ZNF875: variants seen among roughly 807,000 people sequenced by gnomAD.
ZNF875 encodes zinc finger protein 875, also known as HKR1, GLI-Kruppel zinc finger family member.
A neutral mutation model predicts 11.2 loss-of-function variants in ZNF875; 14 were observed. That is an observed-to-expected ratio of 1.26 (90% confidence interval 0.83 to 1.96). ZNF875 has a LOEUF of 1.96. Among genes scored for constraint, ZNF875 ranks in the 30% most tolerant of loss-of-function variants. The probability of loss-of-function intolerance (pLI) is 0.00; values close to 1 mark genes in which losing one functional copy is unlikely to be tolerated. For synonymous variants in ZNF875, 301 were observed against 281.1 expected (o/e 1.07, Z -0.71); for missense variants, 752 against 760.4 (o/e 0.99, Z 0.13).
At chr19:37,356,376 C>A (rs767281667) in intron 4 of ZNF875, among the ~76,000 whole-genome samples, 15 of 152,138 alleles carry the variant, frequency 9.9e-5, no homozygotes, top group Non-Finnish European at 2.1e-4. Flanking sequence ...TTTACATGAC[C>A]ACCAACAATA....
In ZNF875 at chr19:37,363,371, G is replaced by A. The variant is rs141902493; in HGVS notation, c.1519G>A (p.Val507Ile). 7,038 of 1,613,580 alleles carry A rather than the reference G, an allele frequency of 4.4e-3. 53 individuals are homozygous for A. The highest frequency in any genetic ancestry group is 4.7e-3 in the Non-Finnish European group (5,595 of 1,179,880). The change falls in exon 5 of 5, where the codon GTA (valine) becomes ATA (isoleucine). Residue 507 changes from valine (V) to isoleucine (I), a missense_variant. Val to Ile is a conservative substitution (Grantham distance 29, BLOSUM62 3). Coordinates refer to ENST00000392153, the MANE Select transcript of ZNF875 (RefSeq NM_001353803.2). ...QRTHSGEKPF[V>I]CAECGRGFND... Reference sequence around the variant, plus strand: ...GACACACTCAGGGGAGAAGCCATTTGTATGTGCTGAGTGTGGACGAGGCTT... The same window carrying A: ...GACACACTCAGGGGAGAAGCCATTTATATGTGCTGAGTGTGGACGAGGCTT...
intron 4 of ZNF875, among the ~76,000 whole-genome samples, chr19:37,361,482 C>T (rs1446559126): frequency 6.6e-6 from 1 of 151,966 alleles, no homozygotes; most frequent in Non-Finnish European, 1.5e-5. Flanking sequence ...TTCTTCCTTC[C>T]TTTCTCTTTC....
chr19:37,362,256 A>C lies in ZNF875; in HGVS notation c.404A>C (p.Tyr135Ser). Reference protein sequence around the residue: ...AGNPLHLGKHYPEDQKQQQDP... With the variant: ...AGNPLHLGKHSPEDQKQQQDP... ...AATCCTCTCCACCTGGGAAAACACT[A>C]TCCAGAAGATCAGAAACAACAGCAG... The change falls in exon 5 of 5, where the codon TAT becomes TCT. Residue 135 changes from tyrosine to serine, a missense_variant. Coordinates refer to ENST00000392153, the MANE Select transcript of ZNF875 (RefSeq NM_001353803.2). 6.2e-7 allele frequency: 1 copy of C among 1,614,226 alleles called. No homozygotes were observed. Among genetic ancestry groups the C allele is most frequent in the Non-Finnish European group, 8.5e-7 (1 of 1,180,046 alleles).
At position 37,344,543 on chromosome 19, in the gene ZNF875, G is replaced by C; in HGVS notation, c.34-2647G>C. 4.3e-6 allele frequency: 3 copies of C among 700,750 alleles called. No individual in the cohort carries two copies. The South Asian group carries it at 5.0e-5, about 12-fold the overall frequency. 43.4% of individuals were successfully genotyped at this position (700,750 alleles called of 1,614,324 possible). A position where few individuals can be genotyped will look rare whatever the true frequency, so the allele number is the denominator to read the frequency against. Reference sequence around the variant, plus strand: ...TTACAAATGACGAAGTCTTTTGCTAGAATCCTACGGTAAGGCTTCTTGTGG... The same window carrying C: ...TTACAAATGACGAAGTCTTTTGCTACAATCCTACGGTAAGGCTTCTTGTGG... On this transcript the variant is annotated intron_variant, in intron 2 of 4. Transcript: ENST00000392153.
chr19:37,361,937 A>T, intron 4 of ZNF875, 172 bp from the exon 5 acceptor site: 2 of 517,664 alleles, frequency 3.9e-6, no homozygotes. Flanking sequence ...AAAAAACAAA[A>T]GAAAGTGTAA....
At chr19:37,325,408 T>C (rs2032258887) in intron 4 of ZNF875, among the ~76,000 whole-genome samples, 1 of 152,216 alleles carries the variant, frequency 6.6e-6, no homozygotes. Flanking sequence ...ACATACGTCA[T>C]TTTAGATTTT....
At chr19:37,356,847 A>G (rs1274036264) in intron 4 of ZNF875, among the ~76,000 whole-genome samples, 6 of 152,050 alleles carry the variant, frequency 3.9e-5, no homozygotes, top group Admixed American at 2.6e-4. Flanking sequence ...ATATTTGTCC[A>G]TTTTTGTTTT....
rs767872971 is a variant in ZNF875, at chr19:37,362,850, CAG to C, written c.999_1000del (p.Gly334AlafsTer14). The stretch of plus-strand genomic sequence containing the variant: ...CTCTTTACACATCAGCGGACACACT[CAG>C]GGCTCAAGCCTTATGTGTGCAAGGA... On this transcript the variant is annotated frameshift_variant, in exon 5 of 5. Transcript: ENST00000392153. LOFTEE classifies it low-confidence loss of function (END_TRUNC). The C allele has an allele frequency of 6.2e-7, 1 of 1,614,020 alleles. No homozygotes were observed. Among genetic ancestry groups the C allele is most frequent in the Non-Finnish European group, 8.5e-7 (1 of 1,180,038 alleles).
intron 2 of ZNF875, among the ~76,000 whole-genome samples, chr19:37,342,883 A>G (rs1368231191): frequency 1.3e-5 from 2 of 152,098 alleles, no homozygotes; most frequent in Non-Finnish European, 2.9e-5. Flanking sequence ...CCCAGTCCCC[A>G]CTAGCAGTTT....
At chr19:37,349,569 G>C (rs1355300224) in intron 4 of ZNF875, among the ~76,000 whole-genome samples, 4 of 152,108 alleles carry the variant, frequency 2.6e-5, no homozygotes, top group African/African-American at 4.8e-5. Flanking sequence ...TTTTCTTCTT[G>C]TTGATTTGAA....
rs765202281 is a variant in ZNF875, at chr19:37,362,368, C to T, written c.516C>T (p.Gly172=). The part of the protein sequence containing the change: ...RLLFGRVSKN[G]TSKALSSPPE... ...TGTTTGGGAGAGTAAGCAAAAATGG[C>T]ACTTCAAAGGCACTTTCCAGCCCAC... Residue 172 remains glycine, a synonymous_variant, in exon 5 of 5, where the codon GGC becomes GGT. Transcript: ENST00000392153. 3 of 1,614,110 alleles carry T rather than the reference C, an allele frequency of 1.9e-6. No individual in the cohort carries two copies. The highest frequency in any genetic ancestry group is 1.7e-5 in the Admixed American group (1 of 60,024).
upstream of ZNF875, chr19:37,315,394 A>G (rs145337640): frequency 6.6e-6 from 1 of 152,318 alleles, no homozygotes; most frequent in African/African-American, 2.4e-5. Context: ...GTTTTTATAC[A>G]TATTTTCTGC....
chr19:37,313,768 GT>G (rs397815049), upstream of ZNF875, among the ~76,000 whole-genome samples: 2 of 149,426 alleles, frequency 1.3e-5, no homozygotes, highest in Non-Finnish European at 3.0e-5. Flanking sequence ...GTGTGTGTGT[GT>G]TGATTAATGG....
Position 37,362,668 on chromosome 19 carries a change from C to G in ZNF875, c.816C>G (p.Asn272Lys), listed in dbSNP as rs1421533186. The G allele has an allele frequency of 5.6e-6, 9 of 1,612,820 alleles. No homozygotes were observed. The highest frequency in any genetic ancestry group is 7.6e-6 in the Non-Finnish European group (9 of 1,179,418). ...SFGSMSVLIK[N>K]PRTHSGGKPY... ...GCAGTATGTCAGTCCTCATCAAAAACCCAAGGACACACTCTGGGGGAAAGC... is the reference window on the plus strand; with the variant it reads ...GCAGTATGTCAGTCCTCATCAAAAAGCCAAGGACACACTCTGGGGGAAAGC... The change falls in exon 5 of 5, where the codon AAC becomes AAG. Residue 272 changes from asparagine (N) to lysine (K), a missense_variant. By Grantham distance (94) the Asn-to-Lys change is moderately conservative (BLOSUM62 0). Transcript: ENST00000392153.
intron 4 of ZNF875, chr19:37,328,578 G>C (rs1308158605): frequency 1.3e-4 from 20 of 152,116 alleles, no homozygotes; most frequent in African/African-American, 3.9e-4. Flanking sequence ...TTACCTTCCA[G>C]CATAGGACAA....
chr19:37,324,172 C>T (rs1264075353), intron 3 of ZNF875: 7 of 152,188 alleles, frequency 4.6e-5, no homozygotes, highest in South Asian at 2.1e-4. Flanking sequence ...AGAGAAATCA[C>T]CAGTCACTCT....
intron 4 of ZNF875, among the ~76,000 whole-genome samples, chr19:37,325,865 G>A (rs958293752): frequency 2.0e-5 from 3 of 152,050 alleles, no homozygotes; most frequent in Non-Finnish European, 4.4e-5. Flanking sequence ...GTGCCACCAC[G>A]CCTGAATAAT....
intron 2 of ZNF875, among the ~76,000 whole-genome samples, chr19:37,339,904 C>T (rs2035331983): frequency 6.6e-6 from 1 of 152,014 alleles, no homozygotes; most frequent in Admixed American, 6.6e-5. Context: ...CTTCCAATTA[C>T]TTCTTTCTTT....
upstream of ZNF875, among the ~76,000 whole-genome samples, chr19:37,333,513 G>A (rs533129679): frequency 6.6e-6 from 1 of 152,284 alleles, no homozygotes; most frequent in Non-Finnish European, 1.5e-5. Context: ...AGGGATGTTG[G>A]AAGACATTCT....
Sources: allele counts gnomAD v4.1 joint callset (sites outside exome capture counted in the v4.1 genomes callset), GRCh38; gene constraint gnomAD v4.1.1; transcripts MANE v1.5; gene names NCBI Gene and HGNC (gene_info 2026-07-23, HGNC 2026-07-21).